Variants in MORC1 observed in about 807,000 individuals in gnomAD.
The protein encoded by MORC1 is MORC family CW-type zinc finger protein 1.
In MORC1, 59 loss-of-function variants were observed where a neutral mutation model predicts 134.9. That is an observed-to-expected ratio of 0.44 (90% confidence interval 0.35 to 0.54). The LOEUF is 0.54. Among genes scored for constraint, MORC1 ranks in the 20% least tolerant of loss-of-function variants. The pLI is 0.00. For synonymous variants in MORC1, 395 were observed against 391.7 expected (o/e 1.01, Z -0.10); for missense variants, 947 against 1,134.5 (o/e 0.83, Z 2.37).
chr3:109,034,772 A>G (rs1386705968), intron 15 of MORC1, among the ~76,000 whole-genome samples: 1 of 152,136 alleles, frequency 6.6e-6, no homozygotes, highest in East Asian at 1.9e-4. Flanking sequence ...TTTTTGAGAC[A>G]GGGACTCACT....
chr3:108,971,395 G>T lies in MORC1; in HGVS notation c.2485C>A (p.Leu829Ile). The T allele has an allele frequency of 6.2e-7, 1 of 1,612,000 alleles. No homozygotes were observed. Among genetic ancestry groups the T allele is most frequent in the South Asian group, 1.1e-5 (1 of 90,974 alleles). Residue 829 changes from leucine to isoleucine, a missense_variant, in exon 25 of 28, where the codon CTT becomes ATT. Physicochemically the swap from Leu to Ile is conservative, Grantham distance 5 (BLOSUM62 2). Coordinates refer to ENST00000232603, the MANE Select transcript of MORC1 (RefSeq NM_014429.4). ...TGATGCTCAGGAAAAAAATACAGAA[G>T]AATCTCCCTAGGAATACAAGCACAG... ...RKLKSKLREI[L>I]LYFFPEHQLP...
intron 14 of MORC1, among the ~76,000 whole-genome samples, chr3:109,045,048 G>A (rs1480404694): frequency 6.6e-6 from 1 of 152,038 alleles, no homozygotes; most frequent in Non-Finnish European, 1.5e-5. Context: ...GTGAGCCTAG[G>A]AGAGACTCAA....
chr3:108,973,594 G>GTTT (rs1559863612), intron 24 of MORC1, among the ~76,000 whole-genome samples: 12 of 123,390 alleles, frequency 9.7e-5, no homozygotes, highest in Non-Finnish European at 1.4e-4. Context: ...GCTTTGTTTT[G>GTTT]GTTTTTTTTT....
At position 109,068,910 on chromosome 3, in the gene MORC1, C is replaced by T. The variant is rs140195869; in HGVS notation, c.815+722G>A. Among the ~76,000 whole-genome samples, 1,022 of 152,350 alleles carry T rather than the reference C, an allele frequency of 6.7e-3. 35 individuals carry two copies. In the East Asian group the frequency reaches 0.081, roughly 12 times the overall value. ...GTGGCTCACGCCTGCAATCCCAGCA[C>T]TTTGGGAGGCCAAGGCAGGTGGATC... On this transcript the variant is annotated intron_variant, in intron 9 of 27. Coordinates refer to ENST00000232603, the MANE Select transcript of MORC1 (RefSeq NM_014429.4).
intron 2 of MORC1, 37 bp from the exon 3 acceptor site, chr3:109,110,820 A>T (rs1951149228): frequency 6.7e-7 from 1 of 1,496,790 alleles, no homozygotes; most frequent in African/African-American, 1.4e-5. Context: ...CTTCAATATG[A>T]AATGAATTGC....
intron 14 of MORC1, among the ~76,000 whole-genome samples, chr3:109,049,770 T>C (rs1268504748): frequency 2.0e-5 from 3 of 152,140 alleles, no homozygotes; most frequent in Non-Finnish European, 4.4e-5. Context: ...TCACATATTA[T>C]TAGGTGTACC....
At chr3:109,111,539 AT>A (rs1253672479) in intron 2 of MORC1, among the ~76,000 whole-genome samples, 2 of 152,168 alleles carry the variant, frequency 1.3e-5, no homozygotes, top group African/African-American at 4.8e-5. Context: ...TTATTTTTGT[AT>A]TTTTTTACAA....
At chr3:109,093,611 T>C (rs929733263) in intron 7 of MORC1, 70 bp from the exon 8 acceptor site, 9 of 1,129,254 alleles carry the variant, frequency 8.0e-6, no homozygotes, top group Admixed American at 1.9e-5. Flanking sequence ...TGTGCTATCA[T>C]TTCATCTATG....
intron 4 of MORC1, among the ~76,000 whole-genome samples, chr3:109,100,827 T>A (rs142997940): frequency 6.6e-6 from 1 of 152,288 alleles, no homozygotes; most frequent in African/African-American, 2.4e-5. Flanking sequence ...AACAACAAAG[T>A]ATAACAACTA....
chr3:108,999,219 T>C (rs1485972947), intron 21 of MORC1, among the ~76,000 whole-genome samples: 1 of 152,240 alleles, frequency 6.6e-6, no homozygotes, highest in Non-Finnish European at 1.5e-5. Flanking sequence ...TTATTGTTAA[T>C]AGTGAGGCTA....
chr3:109,117,967 C>G, intron 1 of MORC1, 28 bp downstream of exon 1: 1 of 1,561,792 alleles, frequency 6.4e-7, no homozygotes, highest in South Asian at 1.2e-5. Flanking sequence ...GAGACCCTCC[C>G]CGACCCCGAC....
At chr3:109,108,202 A>G (rs1017061481) in intron 3 of MORC1, among the ~76,000 whole-genome samples, 3 of 152,054 alleles carry the variant, frequency 2.0e-5, no homozygotes, top group Non-Finnish European at 4.4e-5. Flanking sequence ...AAAAAAGGAG[A>G]AGTGCCACTT....
chr3:108,971,468 G>C, intron 24 of MORC1, 66 bp from the exon 25 acceptor site: 1 of 1,398,400 alleles, frequency 7.2e-7, no homozygotes, highest in Non-Finnish European at 1.0e-6. Flanking sequence ...TCAACTGTCA[G>C]AACTGGGTTT....
intron 3 of MORC1, among the ~76,000 whole-genome samples, chr3:109,109,302 A>G (rs1284128251): frequency 2.0e-5 from 3 of 152,136 alleles, no homozygotes; most frequent in Non-Finnish European, 4.4e-5. Context: ...CCATTAGGAT[A>G]TATGTTCCAG....
chr3:109,000,676 C>A lies in MORC1; in HGVS notation c.2086-18G>T, dbSNP rs1559883406. ...GAAGCGGCCTATAACAAGGAATTAA[C>A]AAAAAAAATACAAGGATTAGTGGCA... On this transcript the variant is annotated intron_variant, in intron 20 of 27. Transcript: ENST00000232603. 8.3e-6 allele frequency: 13 copies of A among 1,571,080 alleles called. No individual in the cohort carries two copies. Among genetic ancestry groups the A allele is most frequent in the Middle Eastern group, 1.7e-4 (1 of 5,896 alleles).
intron 17 of MORC1, among the ~76,000 whole-genome samples, chr3:109,022,017 T>G (rs1012832589): frequency 6.6e-6 from 1 of 152,214 alleles, no homozygotes; most frequent in African/African-American, 2.4e-5. Flanking sequence ...TGTGAATATA[T>G]CATGCATTAT....
intron 9 of MORC1, among the ~76,000 whole-genome samples, chr3:109,063,471 C>T (rs1950128492): frequency 6.6e-6 from 1 of 151,964 alleles, no homozygotes; most frequent in African/African-American, 2.4e-5. Flanking sequence ...AGAAAATCTG[C>T]CCACACAAAT....
chr3:109,076,522 G>A (rs1244773351), intron 8 of MORC1, among the ~76,000 whole-genome samples: 1 of 152,094 alleles, frequency 6.6e-6, no homozygotes, highest in Non-Finnish European at 1.5e-5. Flanking sequence ...AAAGACACGT[G>A]CACACGTATG....
intron 14 of MORC1, among the ~76,000 whole-genome samples, chr3:109,037,126 A>G (rs575447199): frequency 6.6e-5 from 10 of 152,220 alleles, no homozygotes; most frequent in African/African-American, 2.4e-4. Flanking sequence ...TTCTTTCCCT[A>G]CGGTTTTTAA....
Sources: gnomAD v4.1 joint callset for allele counts (sites outside exome capture counted in the v4.1 genomes callset) on GRCh38, gnomAD v4.1.1 for gene constraint, MANE v1.5 for transcripts, NCBI Gene and HGNC (gene_info 2026-07-23, HGNC 2026-07-21) for gene names.